Variants in TTC39A observed in about 807,000 individuals in gnomAD.
The protein encoded by TTC39A is tetratricopeptide repeat protein 39A.
Under a neutral mutation model 82.3 loss-of-function variants are expected in TTC39A, and 46 were observed. The observed-to-expected ratio is 0.56, with a 90% CI of 0.44 to 0.71. The LOEUF (loss-of-function observed/expected upper bound fraction) is 0.71. TTC39A is among the 30% of genes least tolerant of loss of function. The probability of loss-of-function intolerance (pLI) is 0.00; values close to 1 mark genes in which losing one functional copy is unlikely to be tolerated. For synonymous variants in TTC39A, 254 were observed against 275.2 expected (o/e 0.92, Z 0.76); for missense variants, 543 against 712.9 (o/e 0.76, Z 2.71).
At chr1:51,331,812 C>A (rs1275797626), upstream of TTC39A, 4 of 985,374 alleles carry the variant, frequency 4.1e-6, no homozygotes, top group Non-Finnish European at 4.8e-6. Context: ...ATAAAGAATC[C>A]AGACAAGGGG....
At chr1:51,331,803 T>G (rs890211759), upstream of TTC39A, 4 of 985,402 alleles carry the variant, frequency 4.1e-6, no homozygotes, top group African/African-American at 5.2e-5. Context: ...CCAGCAACTA[T>G]AAAGAATCCA....
chr1:51,321,923 G>C lies in TTC39A; in HGVS notation c.42-98C>G. 7.3e-7 allele frequency: 1 copy of C among 1,378,836 alleles called. No individual in the cohort carries two copies. The allele number at this position is 1,378,836 out of a possible 1,614,324, so 85.4% of individuals were successfully genotyped here. On this transcript the variant is annotated intron_variant, in intron 1 of 17. Transcript: ENST00000680483. The surrounding 1 kb of genome is among the most constrained non-coding windows in gnomAD (Gnocchi z 4.6). ...TCACAGGGTCTACTCAGCCTCCCTG[G>C]CCAGCCTTGGGTGCCTGTCACGAGC...
upstream of TTC39A, among the ~76,000 whole-genome samples, chr1:51,332,486 C>T (rs1167967742): frequency 1.3e-5 from 2 of 152,220 alleles, no homozygotes; most frequent in Non-Finnish European, 2.9e-5. Flanking sequence ...GTCTCAAACT[C>T]TGGACCTCAA....
intron 9 of TTC39A, 135 bp from the exon 10 acceptor site, chr1:51,302,708 AG>A (rs1270657620): frequency 4.1e-6 from 4 of 971,816 alleles, no homozygotes; most frequent in Non-Finnish European, 4.8e-6. Context: ...CCCTGTCCCT[AG>A]GGTGACATGA....
Position 51,312,843 on chromosome 1 carries a change from T to C in TTC39A, c.247A>G (p.Met83Val), listed in dbSNP as rs764888233. 4.3e-6 allele frequency: 7 copies of C among 1,613,822 alleles called. No homozygotes were observed. The highest frequency in any genetic ancestry group is 5.9e-6 in the Non-Finnish European group (7 of 1,179,836). The stretch of plus-strand genomic sequence containing the variant: ...CACAGCATCTGTGCCTCCTTCATCA[T>C]GTTGCCGGCAAGCAGGATGTCCTGA... The part of the protein sequence containing the change: ...DPQDILLAGN[M>V]MKEAQMLCQR... Residue 83 changes from methionine to valine, a missense_variant, in exon 3 of 18, where the codon ATG (methionine) becomes GTG (valine). Transcript: ENST00000680483.
Position 51,288,251 on chromosome 1 carries a change from G to A in TTC39A, c.1640C>T (p.Ser547Leu), listed in dbSNP as rs756893515. The change falls in exon 18 of 18, where the codon TCA (serine) becomes TTA (leucine). Residue 547 changes from serine to leucine, a missense_variant. By Grantham distance (145) the Ser-to-Leu change is moderately radical (BLOSUM62 -2). Coordinates refer to ENST00000680483, the MANE Select transcript of TTC39A (RefSeq NM_001297663.2). The surrounding 1 kb of genome is among the most constrained non-coding windows in gnomAD (Gnocchi z 4.8). ...TGCCTGGATTCGAAAGTGTGTCCTT[G>A]ACTCCATGGAGTAATTCTTGTAGTT... ...KQNYKNYSME[S>L]RTHFRIQAAT... The A allele has an allele frequency of 6.2e-7, 1 of 1,613,986 alleles. No homozygotes were observed. Among genetic ancestry groups the A allele is most frequent in the Non-Finnish European group, 8.5e-7 (1 of 1,179,858 alleles).
chr1:51,302,396 A>G lies in TTC39A; in HGVS notation c.852T>C (p.Phe284=). The G allele has an allele frequency of 5.0e-6, 8 of 1,609,850 alleles. No individual in the cohort carries two copies. In the South Asian group the frequency reaches 7.8e-5, roughly 16 times the overall value. ...CTTTAATGACTTCAATCCTCCCTGC[A>G]AAGAACAGGAAGATGGCACCCTGCA... ...RYPKGAIFLF[F]AGRIEVIKGN... Residue 284 remains phenylalanine, a synonymous_variant, in exon 11 of 18, where the codon TTT becomes TTC. Coordinates refer to ENST00000680483, the MANE Select transcript of TTC39A (RefSeq NM_001297663.2).
chr1:51,287,803 C>T lies in TTC39A; in HGVS notation c.*354G>A, dbSNP rs547406627. Reference sequence around the variant, plus strand: ...GATAATAGGTGAAGACAAAGACTTACAGGTGGTTGATTGTTGTTGGTTTTT... The same window carrying T: ...GATAATAGGTGAAGACAAAGACTTATAGGTGGTTGATTGTTGTTGGTTTTT... On this transcript the variant is annotated 3_prime_UTR_variant, in exon 18 of 18. Transcript: ENST00000680483. 1 of 201,020 alleles carries T rather than the reference C, an allele frequency of 5.0e-6. No homozygotes were observed. The highest frequency in any genetic ancestry group is 5.2e-5 in the Admixed American group (1 of 19,060). The allele number at this position is 201,020 out of a possible 1,614,324, so 12.5% of individuals were successfully genotyped here. A position where few individuals can be genotyped will look rare whatever the true frequency, so the allele number is the denominator to read the frequency against.
intron 4 of TTC39A, among the ~76,000 whole-genome samples, chr1:51,311,568 G>C (rs1417949077): frequency 6.6e-6 from 1 of 152,176 alleles, no homozygotes; most frequent in Non-Finnish European, 1.5e-5. Flanking sequence ...TGGGGCGTTA[G>C]AACCTTCCAG....
At chr1:51,340,019 C>T (rs1016271949) in intron 1 of TTC39A, among the ~76,000 whole-genome samples, 2 of 152,134 alleles carry the variant, frequency 1.3e-5, no homozygotes, top group African/African-American at 2.4e-5. Context: ...AGAGACTCCT[C>T]GCCCCTTCCT....
chr1:51,340,858 A>G (rs945798059), intron 1 of TTC39A, among the ~76,000 whole-genome samples: 2 of 152,202 alleles, frequency 1.3e-5, no homozygotes, highest in African/African-American at 4.8e-5. Context: ...ACTGCTAGAA[A>G]GTCTCAGAAT....
At chr1:51,336,421 T>G (rs1224968928) in intron 1 of TTC39A, among the ~76,000 whole-genome samples, 1 of 152,126 alleles carries the variant, frequency 6.6e-6, no homozygotes, top group Admixed American at 6.5e-5. Flanking sequence ...TCATGGGCCC[T>G]CCCTGCTCTG....
intron 2 of TTC39A, among the ~76,000 whole-genome samples, chr1:51,319,529 A>G (rs1293752203): frequency 6.6e-6 from 1 of 152,198 alleles, no homozygotes; most frequent in East Asian, 1.9e-4. Flanking sequence ...GATTTTCAGA[A>G]ATACAAGAGC....
chr1:51,337,553 A>G (rs1645990154), intron 1 of TTC39A, among the ~76,000 whole-genome samples: 1 of 151,384 alleles, frequency 6.6e-6, no homozygotes, highest in Admixed American at 6.6e-5. Flanking sequence ...CAGCCTCCCA[A>G]GTAGCTGAGA....
At chr1:51,313,103 C>T (rs538973349) in intron 2 of TTC39A, among the ~76,000 whole-genome samples, 160 bp from the exon 3 acceptor site, 8 of 152,336 alleles carry the variant, frequency 5.3e-5, no homozygotes, top group African/African-American at 1.7e-4. Context: ...CTGCTCACTG[C>T]TACTCAAAAG....
intron 2 of TTC39A, among the ~76,000 whole-genome samples, chr1:51,320,245 C>A (rs183105970): frequency 1.3e-5 from 2 of 151,940 alleles, no homozygotes; most frequent in African/African-American, 2.4e-5. Context: ...TAAAGACTTA[C>A]GGATAAATGT....
intron 14 of TTC39A, among the ~76,000 whole-genome samples, chr1:51,291,710 G>A (rs904178941): frequency 2.0e-5 from 3 of 150,586 alleles, no homozygotes; most frequent in Admixed American, 6.6e-5. Context: ...GGAGGCTTAG[G>A]TGGGAGGATC....
rs144947644 is a variant in TTC39A at position 51,343,052 on chromosome 1, A to G, written c.53+1939T>C. The G allele has an allele frequency of 3.0e-3, 1,368 of 456,248 alleles. 9 individuals are homozygous for G. The highest frequency in any genetic ancestry group is 0.025 in the African/African-American group (1,252 of 50,184). 28.3% of individuals were successfully genotyped at this position (456,248 alleles called of 1,614,324 possible). ...CCTGGTGCCCACAGGACGATGCACA[A>G]CTGGATTCTCCCAGGCAGGGAAGGT... On this transcript the variant is annotated intron_variant, in intron 1 of 5. Coordinates refer to the TTC39A transcript ENST00000401051.
intron 12 of TTC39A, 131 bp from the exon 13 acceptor site, chr1:51,296,301 G>T: frequency 1.2e-6 from 1 of 857,638 alleles, no homozygotes; most frequent in Non-Finnish European, 1.9e-6. Context: ...GGGGAGAAAT[G>T]AAGGTAAGAA....
Sources: allele counts gnomAD v4.1 joint callset (sites outside exome capture counted in the v4.1 genomes callset), GRCh38; gene constraint gnomAD v4.1.1; non-coding constraint Gnocchi (gnomAD v3.1); transcripts MANE v1.5; gene names NCBI Gene and HGNC (gene_info 2026-07-23, HGNC 2026-07-21).